The following SH3BP2 variants were observed in gnomAD, a reference collection of about 807,000 sequenced individuals.
SH3BP2 encodes SH3 domain-binding protein 2.
Under a neutral mutation model 56.2 loss-of-function variants are expected in SH3BP2, and 38 were observed. The observed-to-expected ratio is 0.68, with a 90% CI of 0.52 to 0.89. The LOEUF (loss-of-function observed/expected upper bound fraction) is 0.89, where lower values mean the gene tolerates loss of function less well. Among genes scored for constraint, SH3BP2 ranks in the 40% least tolerant of loss-of-function variants. The pLI is 0.00. For synonymous variants in SH3BP2, 346 were observed against 316.7 expected (o/e 1.09, Z -0.98); for missense variants, 748 against 762.6 (o/e 0.98, Z 0.23).
chr4:2,798,016 G>C (rs944121784), intron 1 of SH3BP2, among the ~76,000 whole-genome samples: 2 of 152,158 alleles, frequency 1.3e-5, no homozygotes, highest in African/African-American at 4.8e-5. Context: ...GTTGTGCTTT[G>C]GTCTCCCACG....
intron 11 of SH3BP2, 24 bp downstream of exon 11, chr4:2,832,436 C>T (rs370665097): frequency 1.3e-6 from 2 of 1,591,122 alleles, no homozygotes; most frequent in East Asian, 2.2e-5. Context: ...GAAGATGCCC[C>T]AGGGCCCCTC....
chr4:2,825,466 A>T (rs1258359100), intron 5 of SH3BP2, among the ~76,000 whole-genome samples: 3 of 144,470 alleles, frequency 2.1e-5, no homozygotes, highest in African/African-American at 7.5e-5. Context: ...ACAGAGCAAC[A>T]CGTGGACATG....
Position 2,830,495 on chromosome 4 carries a change from G to C in SH3BP2, c.1241+348G>C, listed in dbSNP as rs547501813. On this transcript the variant is annotated intron_variant, in intron 8 of 12. Transcript: ENST00000503393. ...TCCTGCCTCAGCCTCCCAAGTAGCT[G>C]GGACTACAGGCACCTGCCAACACGC... Among the ~76,000 whole-genome samples, 5 of 152,318 alleles carry C rather than the reference G, an allele frequency of 3.3e-5. No homozygotes were observed. The East Asian group carries it at 5.8e-4, about 18-fold the overall frequency.
chr4:2,812,420 C>G (rs1456722332), intron 1 of SH3BP2: 1 of 1,550,280 alleles, frequency 6.5e-7, no homozygotes, highest in Non-Finnish European at 8.7e-7. Flanking sequence ...GGCCCCAGGA[C>G]ACCGGCCCCG....
intron 2 of SH3BP2, among the ~76,000 whole-genome samples, chr4:2,822,708 G>A (rs544498373): frequency 2.0e-5 from 3 of 152,300 alleles, no homozygotes; most frequent in South Asian, 2.1e-4. Context: ...GCCTGCCCTC[G>A]GGTGGCACTC....
chr4:2,839,943 A>G lies in SH3BP2; in HGVS notation c.*6109A>G, dbSNP rs114105937. 4,753 of 152,138 alleles carry G rather than the reference A, an allele frequency of 0.031. 276 individuals are homozygous for G. Among genetic ancestry groups the G allele is most frequent in the African/African-American group, 0.11 (4,460 of 41,432 alleles). The allele number at this position is 152,138 out of a possible 1,614,324, so 9.4% of individuals were successfully genotyped here. ...TTTTGTGGCTTAAGAAATTCTTTCC[A>G]GGCTGGGTACAGTGGCTCACACCTG... On this transcript the variant is annotated 3_prime_UTR_variant, in exon 13 of 13. Coordinates refer to ENST00000503393, the MANE Select transcript of SH3BP2 (RefSeq NM_001122681.2).
chr4:2,821,706 A>G (rs1327329842), intron 2 of SH3BP2, among the ~76,000 whole-genome samples: 2 of 151,570 alleles, frequency 1.3e-5, no homozygotes, highest in African/African-American at 4.9e-5. Context: ...ATGCCCTGTT[A>G]ATTTTTTTTT....
intron 1 of SH3BP2, among the ~76,000 whole-genome samples, chr4:2,801,074 A>T (rs1257844884): frequency 7.1e-6 from 1 of 141,606 alleles, no homozygotes; most frequent in African/African-American, 2.5e-5. Flanking sequence ...GGAGAGGAGG[A>T]GACCCTGATC....
rs139417549 is a variant in SH3BP2, at chr4:2,821,791, C to T, written c.136+1038C>T. 3.6e-3 allele frequency among the ~76,000 whole-genome samples: 542 copies of T among 152,264 alleles called. 1 individual carries two copies. Among genetic ancestry groups the T allele is most frequent in the African/African-American group, 0.012 (480 of 41,552 alleles). On this transcript the variant is annotated intron_variant, in intron 2 of 12. Transcript: ENST00000503393. Reference sequence around the variant, plus strand: ...AGCTCCTGAGCTCAAGCGATCCATCCGCCTTGGTCTCCCAAAGTGCTGGGA... The same window carrying T: ...AGCTCCTGAGCTCAAGCGATCCATCTGCCTTGGTCTCCCAAAGTGCTGGGA...
At position 2,795,802 on chromosome 4, in the gene SH3BP2, C is replaced by T. The variant is rs188436803; in HGVS notation, c.-5+2664C>T. On this transcript the variant is annotated intron_variant, in intron 1 of 12. Transcript: ENST00000503393. ...AGGTGTGGTGAGGGTATGGAGGGGC[C>T]TGGGAGGCAAGGAGAAGGGGCCGTG... Among the ~76,000 whole-genome samples, 279 of 152,260 alleles carry T rather than the reference C, an allele frequency of 1.8e-3. 2 individuals are homozygous for T. Among genetic ancestry groups the T allele is most frequent in the African/African-American group, 6.3e-3 (260 of 41,554 alleles).
chr4:2,826,703 T>C (rs1560108450), intron 5 of SH3BP2: 3 of 359,260 alleles, frequency 8.4e-6, no homozygotes, highest in South Asian at 6.2e-5. Context: ...TCTGTGTGTG[T>C]GTGCATGTCC....
In SH3BP2 at chr4:2,827,636, A is replaced by G. The variant is rs769294111; in HGVS notation, c.548A>G (p.Tyr183Cys). Residue 183 changes from tyrosine to cysteine, a missense_variant, in exon 7 of 13, where the codon TAC becomes TGC. Coordinates refer to ENST00000503393, the MANE Select transcript of SH3BP2 (RefSeq NM_001122681.2). ...DYEHDDEDDS[Y>C]LEPDSPEPGR... ...GAGCACGACGATGAGGATGACTCCT[A>G]CCTGGAGCCTGACTCCCCGGAGCCC... is the stretch of plus-strand genomic sequence containing the variant. 14 of 1,485,250 alleles carry G rather than the reference A, an allele frequency of 9.4e-6. No homozygotes were observed. The highest frequency in any genetic ancestry group is 1.3e-5 in the Non-Finnish European group (14 of 1,102,264). 92.0% of individuals were successfully genotyped at this position (1,485,250 alleles called of 1,614,324 possible).
rs759834339 is a variant in SH3BP2, at chr4:2,822,924, A to G, written c.137-11A>G. ...CCAGGCTCACCTTCCTGCCCTTGCC[A>G]CCTCCCACAGGGCCCCTGCGCTTTG... On this transcript the variant is annotated splice_polypyrimidine_tract_variant and intron_variant, in intron 2 of 12. Transcript: ENST00000503393. 7 of 1,610,950 alleles carry G rather than the reference A, an allele frequency of 4.3e-6. No homozygotes were observed. In the Admixed American group the frequency reaches 5.0e-5, roughly 12 times the overall value.
intron 3 of SH3BP2, chr4:2,823,519 C>A (rs1724421694): frequency 2.0e-5 from 9 of 456,500 alleles, no homozygotes; most frequent in South Asian, 1.2e-4. Context: ...GGGCTGGGCT[C>A]TATCCAGTGA....
In SH3BP2 at chr4:2,830,116, A is replaced by G; in HGVS notation, c.1210A>G (p.Arg404Gly). 4 of 1,604,134 alleles carry G rather than the reference A, an allele frequency of 2.5e-6. No homozygotes were observed. The highest frequency in any genetic ancestry group is 3.4e-6 in the Non-Finnish European group (4 of 1,179,276). Reference sequence around the variant, plus strand: ...CATGGCGCGGCCCGCAGTCCTGCCCAGGCCAGAGAAGCCGCAGCTCCCGCA... The same window carrying G: ...CATGGCGCGGCCCGCAGTCCTGCCCGGGCCAGAGAAGCCGCAGCTCCCGCA... ...EAMARPAVLP[R>G]PEKPQLPHLQ... The change falls in exon 8 of 13, where the codon AGG becomes GGG. Residue 404 changes from arginine (R) to glycine (G), a missense_variant. Arg to Gly is a moderately radical substitution (Grantham distance 125, BLOSUM62 -2). Coordinates refer to ENST00000503393, the MANE Select transcript of SH3BP2 (RefSeq NM_001122681.2).
chr4:2,829,686 C>G lies in SH3BP2; in HGVS notation c.780C>G (p.Cys260Trp). 1 of 1,613,066 alleles carries G rather than the reference C, an allele frequency of 6.2e-7. No homozygotes were observed. The highest frequency in any genetic ancestry group is 8.5e-7 in the Non-Finnish European group (1 of 1,179,848). ...AGGACTCCAAGAGGGACCCACTGTGCCCGAGGCGGGCTGAGCCTTGCCCCA... is the reference window on the plus strand; with the variant it reads ...AGGACTCCAAGAGGGACCCACTGTGGCCGAGGCGGGCTGAGCCTTGCCCCA... ...AAEDSKRDPL[C>W]PRRAEPCPRV... The change falls in exon 8 of 13, where the codon TGC becomes TGG. Residue 260 changes from cysteine (C) to tryptophan (W), a missense_variant. Transcript: ENST00000503393. This position sits in a 1 kb window ranked among gnomAD's most constrained non-coding sequence, Gnocchi z 4.9.
intron 1 of SH3BP2, chr4:2,798,428 C>G (rs1035386641): frequency 1.3e-5 from 2 of 152,232 alleles, no homozygotes; most frequent in Non-Finnish European, 2.9e-5. Context: ...GCCTGGGAGC[C>G]CTGAGTGGCA....
At position 2,824,491 on chromosome 4, in the gene SH3BP2, C is replaced by CA. The variant is rs34274570; in HGVS notation, c.240-122_240-121insA. ...GGAGCATCAGCAGCCAGGGCCCACC[C>CA]GATCTGCCCTCTTCCGTTGGGGCGT... On this transcript the variant is annotated intron_variant, in intron 3 of 12. Coordinates refer to ENST00000503393, the MANE Select transcript of SH3BP2 (RefSeq NM_001122681.2). 0.74 allele frequency: 578,497 copies of CA among 777,654 alleles called. 218,998 individuals are homozygous for CA. Among genetic ancestry groups the CA allele is most frequent in the African/African-American group, 0.95 (56,370 of 59,446 alleles). 48.2% of individuals were successfully genotyped at this position (777,654 alleles called of 1,614,324 possible).
chr4:2,798,567 C>T (rs74636898), intron 1 of SH3BP2: 7,399 of 152,468 alleles, frequency 0.049, 231 homozygotes, highest in South Asian at 0.11. Flanking sequence ...TCCTCCTACT[C>T]GAGGCCAGAA....
Sources: gnomAD v4.1 joint callset for allele counts (sites outside exome capture counted in the v4.1 genomes callset) on GRCh38, gnomAD v4.1.1 for gene constraint, Gnocchi (gnomAD v3.1) non-coding constraint, MANE v1.5 for transcripts, NCBI Gene and HGNC (gene_info 2026-07-23, HGNC 2026-07-21) for gene names.